Variants in CR1 observed in about 807,000 individuals in gnomAD.
CR1 encodes the protein complement receptor type 1.
Under a neutral mutation model 187.3 loss-of-function variants are expected in CR1, and 116 were observed. The ratio of observed to expected loss-of-function variants is 0.62; its 90% CI spans 0.53 to 0.72. The LOEUF is 0.72. Among genes scored for constraint, CR1 ranks in the 30% least tolerant of loss-of-function variants. The pLI, the probability that CR1 is intolerant of heterozygous loss-of-function variation, is 0.00. For synonymous variants in CR1, 576 were observed against 747.1 expected, an observed-to-expected ratio of 0.77 and a Z score of 3.73; for missense variants, 1,731 against 2,110.7, an observed-to-expected ratio of 0.82 and a Z score of 3.52.
At chr1:207,593,566 A>G (rs1661341389) in intron 35 of CR1, among the ~76,000 whole-genome samples, 1 of 152,250 alleles carries the variant, frequency 6.6e-6, no homozygotes, top group Non-Finnish European at 1.5e-5. Flanking sequence ...CTTCATTACT[A>G]AAACACCAAA....
chr1:207,640,757 TTAA>T lies in CR1; in HGVS notation c.*1354_*1356del, dbSNP rs1662959562. The T allele has an allele frequency of 6.6e-6, 1 of 152,236 alleles. No homozygotes were observed. Among genetic ancestry groups the T allele is most frequent in the African/African-American group, 2.4e-5 (1 of 41,460 alleles). 9.4% of individuals were successfully genotyped at this position (152,236 alleles called of 1,614,324 possible). ...AAAACATCAGAATATTTCTGGATAT[TTAA>T]TAATAGCTTTATATATGACTAATGC... On this transcript the variant is annotated 3_prime_UTR_variant, in exon 47 of 47. Coordinates refer to ENST00000367049, the MANE Select transcript of CR1 (RefSeq NM_000651.6).
chr1:207,510,902 GCC>G (rs140797504), intron 3 of CR1, among the ~76,000 whole-genome samples: 5,515 of 151,146 alleles, frequency 0.036, 136 homozygotes, highest in African/African-American at 0.058. Flanking sequence ...ACTCACTGCA[GCC>G]TCAACCTCCC....
rs768685441 is a variant in CR1, at chr1:207,580,498, TTTC to T, written c.5114-5_5114-3del. 4 of 1,590,574 alleles carry T rather than the reference TTTC, an allele frequency of 2.5e-6. No individual in the cohort carries two copies. The African/African-American group carries it at 4.1e-5, about 16-fold the overall frequency. ...ACTCCTATTTTTTCTTTTTTTTTTT[TTTC>T]TTCTTCTAGTGAAATCCTGTGATGA... On this transcript the variant is annotated splice_polypyrimidine_tract_variant and intron_variant, in intron 30 of 46. Coordinates refer to ENST00000367049, the MANE Select transcript of CR1 (RefSeq NM_000651.6).
intron 35 of CR1, among the ~76,000 whole-genome samples, chr1:207,597,742 T>G (rs1661491197): frequency 6.6e-6 from 1 of 152,230 alleles, no homozygotes; most frequent in African/African-American, 2.4e-5. Flanking sequence ...ATTCTGCTCC[T>G]AGGCATATAC....
intron 45 of CR1, among the ~76,000 whole-genome samples, chr1:207,626,384 T>C (rs1308787410): frequency 6.6e-6 from 1 of 152,044 alleles, no homozygotes; most frequent in African/African-American, 2.4e-5. Context: ...CCTCCTTGAG[T>C]GGGTGTGGCC....
At chr1:207,503,363 A>C (rs903302575) in intron 1 of CR1, among the ~76,000 whole-genome samples, 1 of 152,190 alleles carries the variant, frequency 6.6e-6, no homozygotes, top group African/African-American at 2.4e-5. Flanking sequence ...GCTGTAACAA[A>C]TTTCCACAAA....
At chr1:207,605,123 G>A (rs994203508) in intron 35 of CR1, among the ~76,000 whole-genome samples, 4 of 151,972 alleles carry the variant, frequency 2.6e-5, no homozygotes, top group Non-Finnish European at 4.4e-5. Context: ...AGCCAGGCAT[G>A]GCAGCGCATA....
chr1:207,635,704 A>G (rs889319445), intron 46 of CR1, among the ~76,000 whole-genome samples: 1 of 152,196 alleles, frequency 6.6e-6, no homozygotes, highest in Non-Finnish European at 1.5e-5. Context: ...CCTTCCCATG[A>G]GGCCATATCT....
intron 46 of CR1, among the ~76,000 whole-genome samples, chr1:207,635,233 C>G (rs546059158): frequency 5.3e-5 from 8 of 151,736 alleles, no homozygotes; most frequent in African/African-American, 1.9e-4. Flanking sequence ...CCCAGGGGAC[C>G]GGTGTTCAGC....
intron 35 of CR1, among the ~76,000 whole-genome samples, chr1:207,591,615 G>A (rs1275148526): frequency 1.3e-5 from 2 of 152,106 alleles, no homozygotes; most frequent in Non-Finnish European, 2.9e-5. Flanking sequence ...CAGAACTGAA[G>A]GAGATAGAGA....
At chr1:207,607,221 C>T (rs762664347) in intron 35 of CR1, 30 bp from the exon 36 acceptor site, 53 of 1,516,700 alleles carry the variant, frequency 3.5e-5, no homozygotes, top group African/African-American at 2.2e-4. Context: ...ATATGTGTAG[C>T]GTATAACCAT....
chr1:207,595,724 T>C (rs1661411626), intron 35 of CR1, among the ~76,000 whole-genome samples: 1 of 150,914 alleles, frequency 6.6e-6, no homozygotes. Context: ...GTTTTTCTTT[T>C]TGAAGAAGAA....
intron 4 of CR1, among the ~76,000 whole-genome samples, chr1:207,514,942 A>G (rs1434466154): frequency 2.1e-5 from 3 of 142,784 alleles, no homozygotes; most frequent in Non-Finnish European, 4.5e-5. Context: ...TTTTCCAACC[A>G]TTTTCCTGTA....
chr1:207,587,744 A>G (rs566962482), intron 34 of CR1, among the ~76,000 whole-genome samples, 179 bp downstream of exon 34: 1 of 152,358 alleles, frequency 6.6e-6, no homozygotes, highest in Admixed American at 6.5e-5. Flanking sequence ...ACAAACAACA[A>G]CAACAAAAAC....
At position 207,618,226 on chromosome 1, in the gene CR1, C is replaced by T. The variant is rs769117496; in HGVS notation, c.7045C>T (p.Gln2349Ter). Residue 2349 changes from glutamine (Q) to a stop codon, truncating the protein, a stop_gained, in exon 42 of 47, where the codon CAA becomes TAA. Transcript: ENST00000367049. LOFTEE classifies it high-confidence loss of function. ...CTGTACAGACCAGGGAATCTGGAGC[C>T]AATTGGATCATTATTGCAAAGGTGA... The part of the protein sequence containing the change: ...IFCTDQGIWS[Q>*]LDHYCKEVNC... 1.9e-6 allele frequency: 3 copies of T among 1,613,470 alleles called. No homozygotes were observed. Among genetic ancestry groups the T allele is most frequent in the Non-Finnish European group, 2.5e-6 (3 of 1,179,644 alleles).
intron 1 of CR1, among the ~76,000 whole-genome samples, chr1:207,498,064 G>C (rs781727724): frequency 1.3e-5 from 2 of 152,178 alleles, no homozygotes; most frequent in African/African-American, 2.4e-5. Context: ...CTTACCAGCT[G>C]GTGTCTTGGA....
chr1:207,608,154 C>G (rs1661806344), intron 36 of CR1, among the ~76,000 whole-genome samples: 1 of 152,076 alleles, frequency 6.6e-6, no homozygotes, highest in Non-Finnish European at 1.5e-5. Flanking sequence ...TGTTAAACAA[C>G]CTAAATGTTC....
chr1:207,619,864 A>C lies in CR1; in HGVS notation c.7067-16A>C. The C allele has an allele frequency of 6.4e-7, 1 of 1,554,546 alleles. No homozygotes were observed. The highest frequency in any genetic ancestry group is 8.7e-7 in the Non-Finnish European group (1 of 1,149,382). On this transcript the variant is annotated splice_polypyrimidine_tract_variant and intron_variant, in intron 42 of 46. Transcript: ENST00000367049. ...ACAATAAAATATCAATTTCTTTCTG[A>C]TTTGTCTAATTTCAGAAGTAAATTG...
At chr1:207,604,630 G>A (rs563354063) in intron 35 of CR1, among the ~76,000 whole-genome samples, 1 of 152,124 alleles carries the variant, frequency 6.6e-6, no homozygotes, top group African/African-American at 2.4e-5. Flanking sequence ...TATTTCTTGG[G>A]CTTTCCCCCA....
Sources: gnomAD v4.1 joint callset for allele counts (sites outside exome capture counted in the v4.1 genomes callset) on GRCh38, gnomAD v4.1.1 for gene constraint, MANE v1.5 for transcripts, NCBI Gene and HGNC (gene_info 2026-07-23, HGNC 2026-07-21) for gene names.